Variants in NEGR1 observed in about 807,000 individuals in gnomAD.
The protein encoded by NEGR1 is IgLON family member 4.
Under a neutral mutation model 40.9 loss-of-function variants are expected in NEGR1, and 10 were observed. The observed-to-expected ratio is 0.24, with a 90% CI of 0.15 to 0.42. The LOEUF (loss-of-function observed/expected upper bound fraction) is 0.42, where lower values mean the gene tolerates loss of function less well. Among genes scored for constraint, NEGR1 ranks in the 10% least tolerant of loss-of-function variants. The probability of loss-of-function intolerance (pLI) is 1.00; values close to 1 mark genes in which losing one functional copy is unlikely to be tolerated. For synonymous variants in NEGR1, 185 were observed against 166.8 expected (o/e 1.11, Z -0.84); for missense variants, 352 against 438.9 (o/e 0.80, Z 1.77).
intron 4 of NEGR1, among the ~76,000 whole-genome samples, chr1:71,647,615 T>G (rs1651574534): frequency 6.6e-6 from 1 of 151,940 alleles, no homozygotes; most frequent in Non-Finnish European, 1.5e-5. Context: ...ACAGTGACCA[T>G]TCAACGATTC....
chr1:71,552,780 C>G (rs755707776), intron 6 of NEGR1, among the ~76,000 whole-genome samples: 3 of 151,282 alleles, frequency 2.0e-5, no homozygotes, highest in Non-Finnish European at 4.4e-5. Flanking sequence ...ACTGCTTTAA[C>G]TACTGCCCAA....
At chr1:71,591,867 C>A (rs1649511501) in intron 6 of NEGR1, among the ~76,000 whole-genome samples, 2 of 151,934 alleles carry the variant, frequency 1.3e-5, no homozygotes, top group Admixed American at 1.3e-4. Context: ...TATCCCATCC[C>A]CATTTCTGCA....
At chr1:72,193,280 C>T (rs1652884086) in intron 1 of NEGR1, among the ~76,000 whole-genome samples, 1 of 151,652 alleles carries the variant, frequency 6.6e-6, no homozygotes, top group Non-Finnish European at 1.5e-5. Context: ...TAATTTCATA[C>T]AGAATGATCA....
At chr1:71,798,763 T>A (rs577280915) in intron 2 of NEGR1, among the ~76,000 whole-genome samples, 17 of 152,240 alleles carry the variant, frequency 1.1e-4, no homozygotes, top group African/African-American at 4.1e-4. Context: ...AAATCTTGGA[T>A]TGAAGAGAAA....
At chr1:72,098,192 G>A (rs983999020) in intron 1 of NEGR1, among the ~76,000 whole-genome samples, 7 of 152,062 alleles carry the variant, frequency 4.6e-5, no homozygotes, top group Non-Finnish European at 2.9e-5. Context: ...ATCTACCTAT[G>A]ACCATGACAA....
At chr1:72,003,167 C>T (rs1289013076) in intron 1 of NEGR1, among the ~76,000 whole-genome samples, 1 of 151,874 alleles carries the variant, frequency 6.6e-6, no homozygotes, top group Non-Finnish European at 1.5e-5. Context: ...AAGTATGTGT[C>T]CCAGTGCTTG....
At chr1:71,412,796 G>T (rs766557676) in intron 6 of NEGR1, among the ~76,000 whole-genome samples, 1 of 151,988 alleles carries the variant, frequency 6.6e-6, no homozygotes, top group East Asian at 1.9e-4. Context: ...GAAACAAAAG[G>T]TTGAAGATTT....
chr1:71,718,235 A>C (rs1654341544), intron 3 of NEGR1, among the ~76,000 whole-genome samples: 1 of 152,140 alleles, frequency 6.6e-6, no homozygotes, highest in African/African-American at 2.4e-5. Flanking sequence ...TATGTGGAAG[A>C]TCCCTCATGA....
At chr1:71,442,474 C>T (rs890722562) in intron 6 of NEGR1, among the ~76,000 whole-genome samples, 4 of 151,896 alleles carry the variant, frequency 2.6e-5, no homozygotes, top group Admixed American at 1.3e-4. Flanking sequence ...ATTAGCTGGG[C>T]GTGGCGGCAT....
chr1:71,810,185 C>A (rs1165248430), intron 2 of NEGR1, among the ~76,000 whole-genome samples: 1 of 152,006 alleles, frequency 6.6e-6, no homozygotes, highest in Non-Finnish European at 1.5e-5. Context: ...GTTAAGCTAC[C>A]CTTAACCTAT....
chr1:72,164,028 T>A (rs1392494995), intron 1 of NEGR1, among the ~76,000 whole-genome samples: 2 of 149,134 alleles, frequency 1.3e-5, no homozygotes, highest in Admixed American at 6.7e-5. Flanking sequence ...TTTTTTTTTT[T>A]AAAGTAAAGT....
intron 6 of NEGR1, among the ~76,000 whole-genome samples, chr1:71,488,519 G>C (rs1409941031): frequency 3.3e-5 from 5 of 151,654 alleles, no homozygotes; most frequent in African/African-American, 1.2e-4. Context: ...ATTTTTGAAT[G>C]GTCTTCAAAG....
intron 1 of NEGR1, among the ~76,000 whole-genome samples, chr1:72,070,822 G>A (rs1647431732): frequency 6.6e-6 from 1 of 152,000 alleles, no homozygotes; most frequent in Non-Finnish European, 1.5e-5. Context: ...TGGCATGGGA[G>A]ACAGCATATT....
At chr1:71,464,008 G>C (rs562741637) in intron 6 of NEGR1, among the ~76,000 whole-genome samples, 2 of 152,242 alleles carry the variant, frequency 1.3e-5, no homozygotes, top group East Asian at 3.9e-4. Context: ...GAAAAGGTTG[G>C]AGTTAGACTC....
At chr1:71,886,511 G>A (rs1328970530) in intron 2 of NEGR1, among the ~76,000 whole-genome samples, 3 of 151,342 alleles carry the variant, frequency 2.0e-5, no homozygotes, top group African/African-American at 7.3e-5. Context: ...AATTGAGGGT[G>A]AGGCAGATAA....
intron 3 of NEGR1, among the ~76,000 whole-genome samples, chr1:71,701,577 C>G (rs1447358598): frequency 4.6e-5 from 7 of 151,986 alleles, no homozygotes; most frequent in Non-Finnish European, 1.0e-4. Context: ...ATTTCCTCAT[C>G]TCTAGCTCCT....
intron 6 of NEGR1, among the ~76,000 whole-genome samples, chr1:71,481,467 T>C (rs1646853521): frequency 1.3e-5 from 2 of 151,854 alleles, no homozygotes; most frequent in South Asian, 4.1e-4. Flanking sequence ...GTGAATCTCT[T>C]TGCTTCCTCA....
chr1:71,834,282 T>C (rs1658938539), intron 2 of NEGR1, among the ~76,000 whole-genome samples: 1 of 152,060 alleles, frequency 6.6e-6, no homozygotes, highest in African/African-American at 2.4e-5. Context: ...GGTCCCCAAA[T>C]TAAATATTAT....
At chr1:71,438,100 G>C (rs990587261) in intron 6 of NEGR1, among the ~76,000 whole-genome samples, 1 of 152,192 alleles carries the variant, frequency 6.6e-6, no homozygotes, top group Admixed American at 6.5e-5. Flanking sequence ...CTTGTTGAGA[G>C]TTTCAACAGT....
Sources: allele counts gnomAD v4.1 joint callset (sites outside exome capture counted in the v4.1 genomes callset), GRCh38; gene constraint gnomAD v4.1.1; transcripts MANE v1.5; gene names NCBI Gene and HGNC (gene_info 2026-07-23, HGNC 2026-07-21).